The following UBE2E2 variants were observed in gnomAD, a reference collection of about 807,000 sequenced individuals.
UBE2E2 encodes ubiquitin conjugating enzyme E2 E2, also known as ubiquitin-conjugating enzyme E2 E2.
In UBE2E2, 6 loss-of-function variants were observed where a neutral mutation model predicts 24.7. The observed-to-expected ratio is 0.24, with a 90% CI of 0.13 to 0.48. The LOEUF is 0.48. Ranked by LOEUF, UBE2E2 falls within the 20% of genes least tolerant of loss-of-function variation. UBE2E2 has a pLI of 0.99. For synonymous variants in UBE2E2, 104 were observed against 83.6 expected (o/e 1.24, Z -1.33); for missense variants, 169 against 245.0 (o/e 0.69, Z 2.07).
intron 5 of UBE2E2, among the ~76,000 whole-genome samples, chr3:23,572,677 C>G (rs1232285822): frequency 6.6e-6 from 1 of 152,164 alleles, no homozygotes; most frequent in Non-Finnish European, 1.5e-5. Context: ...AGGATAGTGG[C>G]CTTCAGCTGC....
intron 4 of UBE2E2, among the ~76,000 whole-genome samples, chr3:23,528,128 C>T (rs892568102): frequency 6.6e-6 from 1 of 152,062 alleles, no homozygotes; most frequent in Non-Finnish European, 1.5e-5. Context: ...TGTGGGACAC[C>T]CAGCTAGCAT....
intron 3 of UBE2E2, among the ~76,000 whole-genome samples, chr3:23,426,942 C>G (rs1227743711): frequency 6.6e-6 from 1 of 151,776 alleles, no homozygotes; most frequent in African/African-American, 2.4e-5. Context: ...ATATACTTAT[C>G]TAAAAGTAGA....
At chr3:23,226,203 G>A (rs1696821841) in intron 3 of UBE2E2, among the ~76,000 whole-genome samples, 1 of 151,978 alleles carries the variant, frequency 6.6e-6, no homozygotes, top group Non-Finnish European at 1.5e-5. Context: ...CCACATCATA[G>A]TAACTAAAAT....
chr3:23,399,533 A>G (rs1697165955), intron 3 of UBE2E2, among the ~76,000 whole-genome samples: 3 of 152,270 alleles, frequency 2.0e-5, no homozygotes, highest in South Asian at 2.1e-4. Context: ...TGGTTTTGCC[A>G]TTTTAATGAC....
chr3:23,300,871 T>C (rs4553929), intron 3 of UBE2E2, among the ~76,000 whole-genome samples: 50,680 of 151,900 alleles, frequency 0.33, 8,681 homozygotes, highest in South Asian at 0.38. Flanking sequence ...TAATATCCTG[T>C]AGAGTGTTTT....
At chr3:23,346,976 A>G (rs924436270) in intron 3 of UBE2E2, among the ~76,000 whole-genome samples, 4 of 152,196 alleles carry the variant, frequency 2.6e-5, no homozygotes, top group Admixed American at 2.6e-4. Context: ...ATTATTCTCT[A>G]TGGCCATTAG....
At chr3:23,304,688 A>G (rs376962770) in intron 3 of UBE2E2, among the ~76,000 whole-genome samples, 1 of 152,230 alleles carries the variant, frequency 6.6e-6, no homozygotes. Context: ...TTTTTCTTCA[A>G]TAATACACCA....
At chr3:23,507,930 C>T (rs1239177875) in intron 4 of UBE2E2, among the ~76,000 whole-genome samples, 1 of 152,174 alleles carries the variant, frequency 6.6e-6, no homozygotes, top group African/African-American at 2.4e-5. Flanking sequence ...CACAGACTAA[C>T]GTGTTATATC....
intron 3 of UBE2E2, among the ~76,000 whole-genome samples, chr3:23,423,717 A>G (rs1697856933): frequency 1.3e-5 from 2 of 152,218 alleles, no homozygotes; most frequent in South Asian, 4.1e-4. Flanking sequence ...AATATAAGCA[A>G]TTACATTTTT....
intron 3 of UBE2E2, among the ~76,000 whole-genome samples, chr3:23,310,075 T>A (rs1200835458): frequency 6.6e-6 from 1 of 152,180 alleles, no homozygotes; most frequent in South Asian, 2.1e-4. Context: ...AGACCGAGAT[T>A]AGACTCTGCT....
rs60407944 is a variant in UBE2E2 at position 23,314,927 on chromosome 3, T to A, written c.227+97615T>A. On this transcript the variant is annotated intron_variant, in intron 3 of 5. Transcript: ENST00000396703. ...GATTATTACAAGCCTTGAGGTGGTC[T>A]TCTTTGGGTTAAATCTGGTTGGTTT... Among the ~76,000 whole-genome samples the A allele has an allele frequency of 2.0e-5, 3 of 151,956 alleles. No individual in the cohort carries two copies. In the South Asian group the frequency reaches 6.2e-4, roughly 32 times the overall value.
intron 3 of UBE2E2, among the ~76,000 whole-genome samples, chr3:23,303,649 TG>T (rs1341129361): frequency 5.9e-5 from 9 of 152,142 alleles, no homozygotes; most frequent in Middle Eastern, 3.4e-3. Flanking sequence ...TATGCATGAG[TG>T]AGGGGTGCAT....
chr3:23,401,483 T>C (rs1697220691), intron 3 of UBE2E2, among the ~76,000 whole-genome samples: 2 of 152,158 alleles, frequency 1.3e-5, no homozygotes, highest in Non-Finnish European at 2.9e-5. Context: ...TCACCTTGTA[T>C]GTGAAAAGGT....
At chr3:23,327,911 A>T (rs976290413) in intron 3 of UBE2E2, among the ~76,000 whole-genome samples, 2 of 152,264 alleles carry the variant, frequency 1.3e-5, no homozygotes, top group East Asian at 1.9e-4. Flanking sequence ...CAATTATAGG[A>T]TGATAGAAGT....
chr3:23,494,631 G>C (rs1376773733), intron 3 of UBE2E2, among the ~76,000 whole-genome samples: 1 of 152,164 alleles, frequency 6.6e-6, no homozygotes, highest in Non-Finnish European at 1.5e-5. Context: ...ACTGCTGTAA[G>C]CTTTGGGATT....
At chr3:23,227,053 C>G (rs905773163) in intron 3 of UBE2E2, among the ~76,000 whole-genome samples, 2 of 150,708 alleles carry the variant, frequency 1.3e-5, no homozygotes, top group Admixed American at 6.6e-5. Context: ...TTTTGAGAGA[C>G]AAAATTAATG....
At chr3:23,469,403 G>A (rs1304578465) in intron 3 of UBE2E2, among the ~76,000 whole-genome samples, 1 of 152,146 alleles carries the variant, frequency 6.6e-6, no homozygotes, top group Non-Finnish European at 1.5e-5. Flanking sequence ...GGAAACAGTT[G>A]TAACAAATAG....
chr3:23,556,454 T>TAAAAAAAAAAAAAAAAAAAAAAAAAAAAA (rs5847239), intron 5 of UBE2E2, among the ~76,000 whole-genome samples: 2 of 94,336 alleles, frequency 2.1e-5, no homozygotes, highest in African/African-American at 9.0e-5. Context: ...AAAATTTATT[T>TAAAAAAAAAAAAAAAAAAAAAAAAAAAAA]AAAAAAAAAA....
intron 3 of UBE2E2, among the ~76,000 whole-genome samples, chr3:23,304,265 T>TA (rs1415131835): frequency 6.6e-6 from 1 of 152,176 alleles, no homozygotes; most frequent in East Asian, 1.9e-4. Context: ...ATCAAAAACA[T>TA]AGAGACCTTT....
Sources: allele counts gnomAD v4.1 joint callset (sites outside exome capture counted in the v4.1 genomes callset), GRCh38; gene constraint gnomAD v4.1.1; transcripts MANE v1.5; gene names NCBI Gene and HGNC (gene_info 2026-07-23, HGNC 2026-07-21).